Variants in GLT1D1 observed in about 807,000 individuals in gnomAD.
GLT1D1 encodes glycosyltransferase 1 domain-containing protein 1.
A neutral mutation model predicts 28.7 loss-of-function variants in GLT1D1; 21 were observed. The ratio of observed to expected loss-of-function variants is 0.73; its 90% CI spans 0.52 to 1.05. GLT1D1 has a LOEUF of 1.05. GLT1D1 is among the 50% of genes least tolerant of loss of function. GLT1D1 has a pLI of 0.00. For synonymous variants in GLT1D1, 147 were observed against 124.8 expected (o/e 1.18, Z -1.19); for missense variants, 343 against 330.6 (o/e 1.04, Z -0.29).
chr12:128,981,073 A>T (rs1274056156), intron 7 of GLT1D1, among the ~76,000 whole-genome samples: 1 of 152,202 alleles, frequency 6.6e-6, no homozygotes, highest in Non-Finnish European at 1.5e-5. Context: ...GTGACTTAGG[A>T]TTCAAGAGAG....
intron 3 of GLT1D1, among the ~76,000 whole-genome samples, chr12:128,895,889 A>T (rs1360989214): frequency 1.3e-5 from 2 of 152,268 alleles, no homozygotes; most frequent in South Asian, 4.2e-4. Context: ...AATTAGTGAG[A>T]CTGAGATTGA....
intron 4 of GLT1D1, among the ~76,000 whole-genome samples, chr12:128,928,906 G>A (rs752145598): frequency 2.6e-5 from 4 of 152,164 alleles, no homozygotes; most frequent in Admixed American, 6.5e-5. Flanking sequence ...CCAGGCATGA[G>A]CCACCGCACC....
intron 4 of GLT1D1, among the ~76,000 whole-genome samples, chr12:128,908,396 C>CTTTCTT (rs1871152414): frequency 4.0e-5 from 5 of 126,220 alleles, no homozygotes; most frequent in East Asian, 2.1e-4. Context: ...TTCTTTCTCT[C>CTTTCTT]TCTCTCTCTT....
chr12:128,898,685 A>C (rs942375534), intron 3 of GLT1D1, among the ~76,000 whole-genome samples: 9 of 152,388 alleles, frequency 5.9e-5, no homozygotes, highest in Admixed American at 3.9e-4. Flanking sequence ...ATGAAAAAGT[A>C]TCTCTTAATA....
chr12:128,874,079 TC>T (rs1174889613), intron 1 of GLT1D1, among the ~76,000 whole-genome samples: 4 of 12,020 alleles, frequency 3.3e-4, no homozygotes, highest in Non-Finnish European at 4.6e-4. Flanking sequence ...TTTCTTTCTT[TC>T]TTTCTTTCTT....
At chr12:128,973,242 A>T (rs1593212660) in intron 7 of GLT1D1, among the ~76,000 whole-genome samples, 2 of 119,732 alleles carry the variant, frequency 1.7e-5, no homozygotes, top group Non-Finnish European at 3.2e-5. Flanking sequence ...GAGTCCAGTG[A>T]CACGATATTG....
chr12:128,958,848 TTTTTTATGAGACAGGGTCTCACTGTG>T lies in GLT1D1; in HGVS notation c.639+1207_639+1232del, dbSNP rs1877592843. ...TAAAAATCTTTTTTTTTTTTTTTTTTTTTTTATGAGACAGGGTCTCACTGTGTAGCCCAGGCTGCAGTGCAGTGGTG... is the reference window on the plus strand; with the variant it reads ...TAAAAATCTTTTTTTTTTTTTTTTTTTAGCCCAGGCTGCAGTGCAGTGGTG... On this transcript the variant is annotated intron_variant, in intron 7 of 7. Coordinates refer to ENST00000281703, the MANE Select transcript of GLT1D1 (RefSeq NM_144669.3). Among the ~76,000 whole-genome samples the T allele has an allele frequency of 2.1e-5, 3 of 145,268 alleles. No individual in the cohort carries two copies. In the South Asian group the frequency reaches 6.6e-4, roughly 32 times the overall value.
chr12:128,857,929 G>T (rs1220910290), intron 1 of GLT1D1, among the ~76,000 whole-genome samples: 5 of 152,216 alleles, frequency 3.3e-5, no homozygotes, highest in African/African-American at 1.2e-4. Context: ...ACCGATCCCA[G>T]ATCAGAGGTC....
At chr12:128,863,123 A>G (rs1956420427) in intron 1 of GLT1D1, among the ~76,000 whole-genome samples, 1 of 152,180 alleles carries the variant, frequency 6.6e-6, no homozygotes, top group Non-Finnish European at 1.5e-5. Flanking sequence ...CAGAATGAAG[A>G]CCCAGAGACA....
At chr12:128,917,139 A>G (rs1324802837) in intron 4 of GLT1D1, among the ~76,000 whole-genome samples, 1 of 152,132 alleles carries the variant, frequency 6.6e-6, no homozygotes, top group East Asian at 1.9e-4. Flanking sequence ...GCCTTCGTTG[A>G]AAGTCAGTTT....
intron 7 of GLT1D1, among the ~76,000 whole-genome samples, chr12:128,968,624 C>G (rs1180894639): frequency 6.6e-6 from 1 of 152,076 alleles, no homozygotes; most frequent in Non-Finnish European, 1.5e-5. Flanking sequence ...GATCATGTCA[C>G]TGCACTCCAG....
chr12:128,908,305 G>A (rs1366671219), intron 4 of GLT1D1, among the ~76,000 whole-genome samples: 2 of 144,914 alleles, frequency 1.4e-5, no homozygotes, highest in Admixed American at 6.9e-5. Flanking sequence ...TCTCACCCAC[G>A]TATTTTCTTT....
intron 6 of GLT1D1, among the ~76,000 whole-genome samples, chr12:128,949,221 G>T (rs1169723245): frequency 2.0e-5 from 3 of 152,262 alleles, no homozygotes; most frequent in Middle Eastern, 3.4e-3. Flanking sequence ...ATTCGGGAAT[G>T]ATTTTATAAC....
At chr12:128,927,111 A>C in intron 4 of GLT1D1, 1 of 1,535,852 alleles carries the variant, frequency 6.5e-7, no homozygotes, top group African/African-American at 1.4e-5. Flanking sequence ...CAAGCCTGGC[A>C]TCAGGAGGAG....
chr12:128,854,394 CGTGTGTGTGTGTGTGTGTGTGT>C (rs56655033), intron 1 of GLT1D1, among the ~76,000 whole-genome samples: 42 of 143,952 alleles, frequency 2.9e-4, no homozygotes, highest in African/African-American at 9.3e-4. Context: ...TAACAGAAGC[CGTGTGTGTGTGTGTGTGTGTGT>C]GTGTGTGTGT....
chr12:128,881,179 C>G (rs191844932), intron 2 of GLT1D1, among the ~76,000 whole-genome samples: 23,543 of 137,914 alleles, frequency 0.17, 2,098 homozygotes, highest in South Asian at 0.28. Flanking sequence ...AGCCGAGATC[C>G]TGCCACTGCA....
At chr12:128,951,124 C>T (rs981013994) in intron 6 of GLT1D1, among the ~76,000 whole-genome samples, 7 of 152,114 alleles carry the variant, frequency 4.6e-5, no homozygotes, top group Non-Finnish European at 2.9e-5. Flanking sequence ...ATGTTGTGGC[C>T]GGGCGCGGTG....
In GLT1D1 at chr12:128,879,465, TTG is replaced by T. The variant is rs1956983801; in HGVS notation, c.217+3404_217+3405del. Among the ~76,000 whole-genome samples, 20 of 139,278 alleles carry T rather than the reference TTG, an allele frequency of 1.4e-4. 2 individuals are homozygous for T. In the South Asian group the frequency reaches 4.9e-3, roughly 34 times the overall value. 91.4% of individuals were successfully genotyped at this position (139,278 alleles called of 152,430 possible). A position where few individuals can be genotyped will look rare whatever the true frequency, so the allele number is the denominator to read the frequency against. On this transcript the variant is annotated intron_variant, in intron 2 of 7. Coordinates refer to ENST00000281703, the MANE Select transcript of GLT1D1 (RefSeq NM_144669.3). ...TTCTTTCTTTCTTTCTTTCTTTTTT[TTG>T]GGGGGGTGGGCAGAGTCTCACTCTG...
chr12:128,896,389 T>C (rs1164526975), intron 3 of GLT1D1, among the ~76,000 whole-genome samples: 4 of 152,088 alleles, frequency 2.6e-5, no homozygotes, highest in East Asian at 3.8e-4. Context: ...CAATGCAATG[T>C]AGAAATTTTG....
Sources: gnomAD v4.1 joint callset for allele counts (sites outside exome capture counted in the v4.1 genomes callset) on GRCh38, gnomAD v4.1.1 for gene constraint, MANE v1.5 for transcripts, NCBI Gene and HGNC (gene_info 2026-07-23, HGNC 2026-07-21) for gene names.